Variants in TERF2 observed in about 807,000 individuals in gnomAD.
TERF2 encodes the protein telomeric repeat-binding factor 2.
A neutral mutation model predicts 56.1 loss-of-function variants in TERF2; 16 were observed. The observed-to-expected ratio is 0.29, with a 90% confidence interval of 0.19 to 0.43. TERF2 has a LOEUF of 0.43. Ranked by LOEUF, TERF2 falls within the 20% of genes least tolerant of loss-of-function variation. The pLI is 1.00. For synonymous variants in TERF2, 296 were observed against 282.1 expected (o/e 1.05, Z -0.50); for missense variants, 547 against 712.9 (o/e 0.77, Z 2.65).
At chr16:69,385,543 G>GGACCCCCTTCCCCGGCGCTCC in intron 1 of TERF2, 50 bp downstream of exon 1, 1 of 1,280,006 alleles carries the variant, frequency 7.8e-7, no homozygotes, top group Non-Finnish European at 1.1e-6. Flanking sequence ...CCGGTCCCCC[G>GGACCCCCTTCCCCGGCGCTCC]GACCCCCTTC....
chr16:69,381,074 GGATTACAGGCGT>G (rs1396765643), intron 3 of TERF2, among the ~76,000 whole-genome samples: 1 of 151,912 alleles, frequency 6.6e-6, no homozygotes, highest in African/African-American at 2.4e-5. Flanking sequence ...CAAAGTGCTG[GGATTACAGGCGT>G]GAGCCACCGC....
intron 5 of TERF2, 92 bp downstream of exon 5, chr16:69,370,391 T>C: frequency 6.6e-7 from 1 of 1,509,778 alleles, no homozygotes; most frequent in Non-Finnish European, 8.9e-7. Context: ...CAATGTCTTT[T>C]TCACACATCA....
chr16:69,362,181 C>T (rs560417978), intron 7 of TERF2, among the ~76,000 whole-genome samples: 1 of 151,986 alleles, frequency 6.6e-6, no homozygotes, highest in East Asian at 1.9e-4. Context: ...CACTGTTCTG[C>T]TCTTTCTTCC....
rs747641225 is a variant in TERF2 at position 69,384,749 on chromosome 16, T to G, written c.476-39A>C. On this transcript the variant is annotated intron_variant, in intron 2 of 9. Transcript: ENST00000254942. ...CAGTTTTCATTTTTAAGCTCTTTTC[T>G]AAGGGTAAAAAAGTTATGTCCAAAA... 6 of 1,544,044 alleles carry G rather than the reference T, an allele frequency of 3.9e-6. No homozygotes were observed. The East Asian group carries it at 1.2e-4, about 30-fold the overall frequency.
At chr16:69,374,127 C>T (rs1407746213) in intron 3 of TERF2, among the ~76,000 whole-genome samples, 2 of 152,178 alleles carry the variant, frequency 1.3e-5, no homozygotes, top group Non-Finnish European at 2.9e-5. Context: ...AAAACATATG[C>T]TCAAACTATA....
intron 5 of TERF2, among the ~76,000 whole-genome samples, chr16:69,369,256 G>A (rs1046500625): frequency 5.9e-5 from 9 of 152,080 alleles, no homozygotes; most frequent in African/African-American, 1.7e-4. Flanking sequence ...TTTGCCAAAC[G>A]ACTGCTAAGA....
At chr16:69,358,723 C>CA (rs59137345) in intron 8 of TERF2, among the ~76,000 whole-genome samples, 6,997 of 152,248 alleles carry the variant, frequency 0.046, 215 homozygotes, top group South Asian at 0.084. Context: ...CCATGTCTAA[C>CA]AACATGGCTT....
rs749029480 is a variant in TERF2 at position 69,366,877 on chromosome 16, C to T, written c.1270G>A (p.Glu424Lys). The T allele has an allele frequency of 8.7e-6, 14 of 1,614,102 alleles. No individual in the cohort carries two copies. Among genetic ancestry groups the T allele is most frequent in the Non-Finnish European group, 1.1e-5 (13 of 1,180,056 alleles). Residue 424 changes from glutamate (E) to lysine (K), a missense_variant, in exon 7 of 10, where the codon GAG becomes AAG. Physicochemically the swap from Glu to Lys is moderately conservative, Grantham distance 56. Around this residue, in one of 6 missense-constraint regions of TERF2, gnomAD observed 211 missense variants for 236.8 expected, o/e 0.89. Coordinates refer to ENST00000254942, the MANE Select transcript of TERF2 (RefSeq NM_005652.5). ...TTGGATGGTGGCGCTGAAGCGGCCT[C>T]CTGGGAGGAGTTGAGGCCTGCGCTG... ...EPSAGLNSSQ[E>K]AASAPPSKPT...
At chr16:69,374,494 T>C (rs538830087) in intron 3 of TERF2, among the ~76,000 whole-genome samples, 4 of 151,498 alleles carry the variant, frequency 2.6e-5, no homozygotes, top group African/African-American at 9.7e-5. Context: ...TGGTGGCGTG[T>C]GCCTGTGGTC....
intron 2 of TERF2, 129 bp from the exon 3 acceptor site, chr16:69,384,839 G>T: frequency 1.1e-6 from 1 of 903,224 alleles, no homozygotes; most frequent in Non-Finnish European, 1.5e-6. Context: ...TTAATTTTTT[G>T]ACATATTTGC....
At chr16:69,363,981 CAAGAAAAA>C (rs2013243831) in intron 7 of TERF2, among the ~76,000 whole-genome samples, 1 of 151,394 alleles carries the variant, frequency 6.6e-6, no homozygotes, top group South Asian at 2.1e-4. Flanking sequence ...GACCCTGTCT[CAAGAAAAA>C]AAGAAAAAGA....
At chr16:69,362,526 AT>A (rs1480116719) in intron 7 of TERF2, among the ~76,000 whole-genome samples, 1 of 152,190 alleles carries the variant, frequency 6.6e-6, no homozygotes, top group Non-Finnish European at 1.5e-5. Context: ...TAACATTGTG[AT>A]TGTCAGAGAG....
At chr16:69,375,472 G>A (rs577255524) in intron 3 of TERF2, among the ~76,000 whole-genome samples, 1 of 152,326 alleles carries the variant, frequency 6.6e-6, no homozygotes, top group Admixed American at 6.5e-5. Context: ...GCCAAGGTAG[G>A]AGGATCACTT....
rs1169657743 is a variant in TERF2 at position 69,385,984 on chromosome 16, G to T, written c.-13C>A. 3 of 1,316,294 alleles carry T rather than the reference G, an allele frequency of 2.3e-6. No homozygotes were observed. Among genetic ancestry groups the T allele is most frequent in the African/African-American group, 3.1e-5 (2 of 64,618 alleles). 81.5% of individuals were successfully genotyped at this position (1,316,294 alleles called of 1,614,324 possible). The stretch of plus-strand genomic sequence containing the variant: ...CTCCCGCGGCCATGATAGAAACAGC[G>T]TTCCGAGCCGCCCGCGGGCTTCTGG... On this transcript the variant is annotated 5_prime_UTR_variant, in exon 1 of 10. Coordinates refer to ENST00000254942, the MANE Select transcript of TERF2 (RefSeq NM_005652.5).
At chr16:69,371,470 C>T (rs1019375052) in intron 4 of TERF2, among the ~76,000 whole-genome samples, 1 of 143,998 alleles carries the variant, frequency 6.9e-6, no homozygotes, top group Non-Finnish European at 1.5e-5. Flanking sequence ...CACTATACTC[C>T]AGCCCGGGCA....
intron 3 of TERF2, among the ~76,000 whole-genome samples, chr16:69,378,993 T>C (rs1026645749): frequency 1.6e-4 from 25 of 151,894 alleles, no homozygotes; most frequent in Non-Finnish European, 3.7e-4. Context: ...CTTTTTCACT[T>C]GGCAGTTCCC....
intron 3 of TERF2, among the ~76,000 whole-genome samples, 175 bp downstream of exon 3, chr16:69,384,405 C>T (rs1210266781): frequency 1.3e-5 from 2 of 152,184 alleles, no homozygotes; most frequent in African/African-American, 4.8e-5. Flanking sequence ...ACTTCCCAAG[C>T]CTGGGTGGGA....
chr16:69,381,796 A>AAC (rs1597261504), intron 3 of TERF2, among the ~76,000 whole-genome samples: 2 of 152,258 alleles, frequency 1.3e-5, no homozygotes, highest in East Asian at 3.9e-4. Context: ...TTTCTATTTC[A>AAC]ACACACAAAA....
In TERF2 at chr16:69,385,959, C is replaced by A. The variant is rs892268339; in HGVS notation, c.13G>T (p.Ala5Ser). The A allele has an allele frequency of 1.5e-6, 2 of 1,356,458 alleles. No homozygotes were observed. Among genetic ancestry groups the A allele is most frequent in the South Asian group, 1.7e-5 (1 of 60,110 alleles). The allele number at this position is 1,356,458 out of a possible 1,614,324, so 84.0% of individuals were successfully genotyped here. A position where few individuals can be genotyped will look rare whatever the true frequency, so the allele number is the denominator to read the frequency against. MAAG[A>S]GTAGPASGPG... ...CCGGAAGCGGGGCCCGCCGTCCCGG[C>A]TCCCGCGGCCATGATAGAAACAGCG... The change falls in exon 1 of 10, where the codon GCC becomes TCC. Residue 5 changes from alanine (A) to serine (S), a missense_variant. Around this residue, in one of 6 missense-constraint regions of TERF2, gnomAD observed 85 missense variants for 59.5 expected, o/e 1.43. Transcript: ENST00000254942.
Sources: allele counts gnomAD v4.1 joint callset (sites outside exome capture counted in the v4.1 genomes callset), GRCh38; gene constraint gnomAD v4.1.1; regional missense constraint gnomAD v4.1.1; transcripts MANE v1.5; gene names NCBI Gene and HGNC (gene_info 2026-07-23, HGNC 2026-07-21).